ANAPC16: variants seen among roughly 807,000 people sequenced by gnomAD.
ANAPC16 encodes anaphase promoting complex subunit 16, also known as anaphase-promoting complex subunit 16.
In ANAPC16, 6 loss-of-function variants were observed where a neutral mutation model predicts 13.1. That is an observed-to-expected ratio of 0.46 (90% CI 0.25 to 0.90). The LOEUF (loss-of-function observed/expected upper bound fraction) is 0.90, where lower values mean the gene tolerates loss of function less well. Ranked by LOEUF, ANAPC16 falls within the 40% of genes least tolerant of loss-of-function variation. The pLI, the probability that ANAPC16 is intolerant of heterozygous loss-of-function variation, is 0.18. For missense variants in ANAPC16, 113 were observed against 131.1 expected, an observed-to-expected ratio of 0.86 and a Z score of 0.67; for synonymous variants, 55 against 51.3, an observed-to-expected ratio of 1.07 and a Z score of -0.31.
intron 2 of ANAPC16, among the ~76,000 whole-genome samples, chr10:72,226,342 T>G (rs1331210434): frequency 3.3e-5 from 5 of 151,712 alleles, no homozygotes; most frequent in Admixed American, 2.0e-4. Flanking sequence ...TTTACACAAC[T>G]ATATTTTAAA....
rs967549913 is a variant in ANAPC16, at chr10:72,235,399, T to G, written c.*2283T>G. ...CCCGGGAGGCGGAGGTTGCAGTGAG[T>G]GGAGATCGTGCCTGTGTGCTCCAGC... On this transcript the variant is annotated 3_prime_UTR_variant, in exon 4 of 4. Coordinates refer to ENST00000299381, the MANE Select transcript of ANAPC16 (RefSeq NM_173473.4). The G allele has an allele frequency of 2.0e-5, 3 of 151,850 alleles. No homozygotes were observed. Among genetic ancestry groups the G allele is most frequent in the African/African-American group, 7.3e-5 (3 of 41,330 alleles). 9.4% of individuals were successfully genotyped at this position (151,850 alleles called of 1,614,324 possible).
Position 72,233,146 on chromosome 10 carries a change from A to C in ANAPC16, c.*30A>C. ...GCCTGGATGGTCACCTCTGGTGCGC[A>C]GCAAGTGCAAAGCCAGTGGGGGACT... On this transcript the variant is annotated 3_prime_UTR_variant, in exon 4 of 4. Transcript: ENST00000299381. The C allele has an allele frequency of 6.3e-7, 1 of 1,585,792 alleles. No homozygotes were observed.
intron 1 of ANAPC16, chr10:72,220,669 T>C (rs925993957): frequency 6.9e-6 from 1 of 145,606 alleles, no homozygotes; most frequent in East Asian, 2.0e-4. Flanking sequence ...AAAACAAATA[T>C]GTTTCAACTT....
Position 72,221,566 on chromosome 10 carries a change from T to G in ANAPC16, c.-27-2322T>G, listed in dbSNP as rs1859933299. Among the ~76,000 whole-genome samples the G allele has an allele frequency of 7.1e-5, 10 of 141,440 alleles. No homozygotes were observed. The South Asian group carries it at 2.4e-3, about 34-fold the overall frequency. 92.8% of individuals were successfully genotyped at this position (141,440 alleles called of 152,430 possible). On this transcript the variant is annotated intron_variant, in intron 1 of 3. Transcript: ENST00000299381. ...TCTTTTCTTTTTTTTTTTTTTTTTTTTTTTGAGACAGAGTCTGGCTCTGTC... is the reference window on the plus strand; with the variant it reads ...TCTTTTCTTTTTTTTTTTTTTTTTTGTTTTGAGACAGAGTCTGGCTCTGTC...
At chr10:72,227,308 A>G (rs889729442) in intron 2 of ANAPC16, among the ~76,000 whole-genome samples, 11 of 152,230 alleles carry the variant, frequency 7.2e-5, no homozygotes, top group Admixed American at 3.3e-4. Flanking sequence ...TTGATGTTCT[A>G]ACGAGTTATA....
intron 2 of ANAPC16, among the ~76,000 whole-genome samples, chr10:72,226,868 T>C (rs1187368983): frequency 6.6e-6 from 1 of 152,182 alleles, no homozygotes; most frequent in African/African-American, 2.4e-5. Flanking sequence ...AGGTAGCATA[T>C]GTAATTAGTG....
intron 1 of ANAPC16, among the ~76,000 whole-genome samples, chr10:72,221,085 T>G (rs1353576088): frequency 1.3e-5 from 2 of 152,034 alleles, no homozygotes; most frequent in Non-Finnish European, 2.9e-5. Flanking sequence ...CCCAGCTCAT[T>G]TTTGTATTTT....
intron 2 of ANAPC16, among the ~76,000 whole-genome samples, chr10:72,225,291 A>C (rs139790598): frequency 6.8e-6 from 1 of 146,416 alleles, no homozygotes; most frequent in Non-Finnish European, 1.5e-5. Context: ...TCAAAAATAT[A>C]TATAAATAAA....
intron 3 of ANAPC16, among the ~76,000 whole-genome samples, chr10:72,232,266 C>T (rs1448206296): frequency 2.7e-5 from 4 of 150,386 alleles, no homozygotes; most frequent in East Asian, 2.0e-4. Context: ...TTTTGAGGGT[C>T]GGGCACAGTG....
At chr10:72,224,139 G>A (rs1158134308) in intron 2 of ANAPC16, 83 bp downstream of exon 2, 1 of 1,353,152 alleles carries the variant, frequency 7.4e-7, no homozygotes, top group East Asian at 2.6e-5. Context: ...GTGGATTAAA[G>A]ATGAGTTTGC....
intron 2 of ANAPC16, among the ~76,000 whole-genome samples, chr10:72,228,858 C>T (rs1366095905): frequency 6.6e-6 from 1 of 152,212 alleles, no homozygotes; most frequent in African/African-American, 2.4e-5. Context: ...AATATCACAA[C>T]TTAACTATTT....
chr10:72,232,728 C>T (rs1231745893), intron 3 of ANAPC16, among the ~76,000 whole-genome samples: 3 of 150,928 alleles, frequency 2.0e-5, no homozygotes, highest in Admixed American at 1.3e-4. Flanking sequence ...CTCAGCCTCC[C>T]GAGTAGCTGG....
intron 1 of ANAPC16, among the ~76,000 whole-genome samples, chr10:72,218,162 AAAAATATATATATATAT>A (rs1370945463): frequency 4.8e-4 from 14 of 29,258 alleles, no homozygotes; most frequent in South Asian, 1.5e-3. Flanking sequence ...AAAAAAAAAA[AAAAATATATATATATAT>A]ATATATATAT....
chr10:72,216,701 G>A, intron 1 of ANAPC16: 1 of 389,366 alleles, frequency 2.6e-6, no homozygotes, highest in Non-Finnish European at 5.1e-6. Context: ...ATATGAATGC[G>A]AGGTCATCCC....
chr10:72,221,095 T>G (rs1859914109), intron 1 of ANAPC16, among the ~76,000 whole-genome samples: 1 of 152,118 alleles, frequency 6.6e-6, no homozygotes, highest in Admixed American at 6.6e-5. Context: ...TTTTGTATTT[T>G]AATAGAGATG....
At chr10:72,225,244 C>T (rs1434435528) in intron 2 of ANAPC16, among the ~76,000 whole-genome samples, 4 of 152,056 alleles carry the variant, frequency 2.6e-5, no homozygotes, top group Non-Finnish European at 5.9e-5. Context: ...TATTGTGCCA[C>T]TGCACTCCAG....
At chr10:72,226,036 GAC>G (rs1415269976) in intron 2 of ANAPC16, among the ~76,000 whole-genome samples, 5 of 142,656 alleles carry the variant, frequency 3.5e-5, no homozygotes, top group Non-Finnish European at 7.6e-5. Flanking sequence ...TTTTTTTTGA[GAC>G]AGAGTCTCGC....
rs1860381765 is a variant in ANAPC16, at chr10:72,233,203, C to T, written c.*87C>T. The T allele has an allele frequency of 1.0e-6, 1 of 961,446 alleles. No individual in the cohort carries two copies. Among genetic ancestry groups the T allele is most frequent in the Non-Finnish European group, 1.6e-6 (1 of 614,376 alleles). The allele number at this position is 961,446 out of a possible 1,614,324, so 59.6% of individuals were successfully genotyped here. A position where few individuals can be genotyped will look rare whatever the true frequency, so the allele number is the denominator to read the frequency against. The stretch of plus-strand genomic sequence containing the variant: ...CAGCTTACATAGCCATCCAGAGATC[C>T]ACAGCTACGTCACTGAATTGTTAAT... On this transcript the variant is annotated 3_prime_UTR_variant, in exon 4 of 4. Transcript: ENST00000299381.
At chr10:72,229,733 T>C (rs1276599311) in intron 2 of ANAPC16, among the ~76,000 whole-genome samples, 1 of 152,208 alleles carries the variant, frequency 6.6e-6, no homozygotes, top group Non-Finnish European at 1.5e-5. Context: ...TGGCCACTTC[T>C]TGTTGGCAGT....
Sources: allele counts gnomAD v4.1 joint callset (sites outside exome capture counted in the v4.1 genomes callset), GRCh38; gene constraint gnomAD v4.1.1; transcripts MANE v1.5; gene names NCBI Gene and HGNC (gene_info 2026-07-23, HGNC 2026-07-21).